The following CCDC102B variants were observed in gnomAD, a reference collection of about 807,000 sequenced individuals.
CCDC102B encodes coiled-coil domain containing 102B.
A neutral mutation model predicts 57.4 loss-of-function variants in CCDC102B; 75 were observed. The ratio of observed to expected loss-of-function variants is 1.31; its 90% CI spans 1.08 to 1.58. The LOEUF is 1.58. Among genes scored for constraint, CCDC102B ranks in the 40% most tolerant of loss-of-function variants. CCDC102B has a pLI of 0.00. For synonymous variants in CCDC102B, 206 were observed against 201.9 expected, an observed-to-expected ratio of 1.02 and a Z score of -0.17; for missense variants, 636 against 582.6, an observed-to-expected ratio of 1.09 and a Z score of -0.94.
intron 2 of CCDC102B, among the ~76,000 whole-genome samples, chr18:68,783,102 G>T (rs1161947933): frequency 6.6e-6 from 1 of 152,182 alleles, no homozygotes; most frequent in Admixed American, 6.5e-5. Flanking sequence ...TCCAGTGGAG[G>T]TTGGTACGAT....
chr18:68,847,890 A>C (rs150231083), intron 4 of CCDC102B, among the ~76,000 whole-genome samples: 1 of 151,756 alleles, frequency 6.6e-6, no homozygotes, highest in African/African-American at 2.4e-5. Context: ...TAAAGATGAA[A>C]CATTGTTTGA....
At chr18:68,796,500 T>G (rs909587398), upstream of CCDC102B, among the ~76,000 whole-genome samples, 24 of 152,122 alleles carry the variant, frequency 1.6e-4, no homozygotes, top group Non-Finnish European at 2.6e-4. Flanking sequence ...TCATTGGGTC[T>G]AAAAGTAGAT....
intron 2 of CCDC102B, among the ~76,000 whole-genome samples, chr18:68,731,894 T>C (rs75578427): frequency 0.22 from 18,153 of 82,308 alleles, 1,438 homozygotes; most frequent in East Asian, 0.48. Flanking sequence ...AAAGCTCTTT[T>C]TGGAGGAAAT....
At chr18:68,976,415 T>A (rs1408192208) in intron 6 of CCDC102B, among the ~76,000 whole-genome samples, 1 of 151,960 alleles carries the variant, frequency 6.6e-6, no homozygotes, top group Non-Finnish European at 1.5e-5. Flanking sequence ...AACCAGTAAA[T>A]TTTATTCTGC....
intron 2 of CCDC102B, chr18:68,716,627 T>C (rs1056130543): frequency 5.3e-5 from 8 of 152,230 alleles, no homozygotes; most frequent in African/African-American, 1.9e-4. Context: ...CTGTAAATTT[T>C]ATGAAATCTA....
chr18:69,048,183 G>A (rs1011598814), intron 7 of CCDC102B, among the ~76,000 whole-genome samples: 1 of 150,782 alleles, frequency 6.6e-6, no homozygotes, highest in Non-Finnish European at 1.5e-5. Flanking sequence ...ACTGTCCTAA[G>A]TACTGGCACT....
At chr18:68,924,346 G>A (rs1205245584) in intron 6 of CCDC102B, among the ~76,000 whole-genome samples, 3 of 151,928 alleles carry the variant, frequency 2.0e-5, no homozygotes, top group Non-Finnish European at 4.4e-5. Flanking sequence ...GAGTTCTCAC[G>A]AGATCTGATG....
chr18:69,020,631 C>T (rs939387684), intron 7 of CCDC102B, among the ~76,000 whole-genome samples: 3 of 152,006 alleles, frequency 2.0e-5, no homozygotes, highest in African/African-American at 7.2e-5. Flanking sequence ...ATTTCCATGG[C>T]AAAAACCACA....
At chr18:68,880,099 A>G (rs8090715) in intron 5 of CCDC102B, among the ~76,000 whole-genome samples, 138,939 of 152,188 alleles carry the variant, frequency 0.91, 63,486 homozygotes, top group East Asian at 0.98. Context: ...GAGGGGGTGG[A>G]AGGCTCAGGC....
At chr18:68,963,924 A>G (rs1245704606) in intron 6 of CCDC102B, among the ~76,000 whole-genome samples, 4 of 151,888 alleles carry the variant, frequency 2.6e-5, no homozygotes, top group African/African-American at 9.7e-5. Flanking sequence ...GTTTGTATAT[A>G]AATGTCTTCT....
chr18:68,776,281 TC>T (rs933869712), intron 2 of CCDC102B, among the ~76,000 whole-genome samples: 29 of 152,202 alleles, frequency 1.9e-4, no homozygotes, highest in Non-Finnish European at 2.9e-5. Flanking sequence ...TATTTAGAAT[TC>T]CTATTTATTT....
chr18:68,918,319 G>C (rs1019579242), intron 6 of CCDC102B, among the ~76,000 whole-genome samples: 1 of 151,952 alleles, frequency 6.6e-6, no homozygotes, highest in African/African-American at 2.4e-5. Context: ...CCTGACTTCC[G>C]CTTTAACATT....
intron 2 of CCDC102B, among the ~76,000 whole-genome samples, chr18:68,772,442 A>G (rs1480317077): frequency 6.6e-6 from 1 of 152,176 alleles, no homozygotes. Flanking sequence ...TATTTAAGTA[A>G]TGAGTGAAAT....
At position 69,054,137 on chromosome 18, in the gene CCDC102B, A is replaced by AT. The variant is rs768785331; in HGVS notation, c.*6dup. 2 of 1,591,522 alleles carry AT rather than the reference A, an allele frequency of 1.3e-6. No homozygotes were observed. The highest frequency in any genetic ancestry group is 8.5e-7 in the Non-Finnish European group (1 of 1,172,946). On this transcript the variant is annotated 3_prime_UTR_variant, in exon 8 of 8. Transcript: ENST00000360242. Reference sequence around the variant, plus strand: ...AACTCAGGCACTTGCAAAACTGGTAATTTTTTCACAAAATATGCTGAATTA... The same window carrying AT: ...AACTCAGGCACTTGCAAAACTGGTAATTTTTTTCACAAAATATGCTGAATTA...
chr18:68,969,775 A>G (rs1026452695), intron 6 of CCDC102B, among the ~76,000 whole-genome samples: 1 of 152,014 alleles, frequency 6.6e-6, no homozygotes, highest in African/African-American at 2.4e-5. Flanking sequence ...GTTTGTTGCT[A>G]CATTATCAAT....
chr18:68,911,499 TC>T (rs2040848330), intron 6 of CCDC102B, among the ~76,000 whole-genome samples: 1 of 150,534 alleles, frequency 6.6e-6, no homozygotes, highest in Admixed American at 6.6e-5. Flanking sequence ...ACGCCTGTAA[TC>T]CCAGCACTTT....
chr18:68,956,465 A>ATAT (rs1322681007), intron 6 of CCDC102B, among the ~76,000 whole-genome samples: 317 of 11,246 alleles, frequency 0.028, 106 homozygotes, highest in African/African-American at 0.092. Context: ...TATATTTTAT[A>ATAT]TATATATTAT....
chr18:68,741,675 A>T (rs1045813376), intron 2 of CCDC102B, among the ~76,000 whole-genome samples: 5 of 105,786 alleles, frequency 4.7e-5, no homozygotes, highest in Admixed American at 2.7e-4. Flanking sequence ...GGTCACACAC[A>T]CACACACACA....
chr18:68,801,073 T>C (rs1351078655), intron 1 of CCDC102B, among the ~76,000 whole-genome samples: 1 of 152,196 alleles, frequency 6.6e-6, no homozygotes, highest in Non-Finnish European at 1.5e-5. Flanking sequence ...TACTGCCTAC[T>C]AGTTTAGAAT....
Sources: allele counts gnomAD v4.1 joint callset (sites outside exome capture counted in the v4.1 genomes callset), GRCh38; gene constraint gnomAD v4.1.1; transcripts MANE v1.5; gene names NCBI Gene and HGNC (gene_info 2026-07-23, HGNC 2026-07-21).